NNT: variants seen among roughly 807,000 people sequenced by gnomAD.
NNT encodes the protein NAD(P) transhydrogenase, mitochondrial.
A neutral mutation model predicts 104.8 loss-of-function variants in NNT; 50 were observed. The observed-to-expected ratio is 0.48, with a 90% CI of 0.38 to 0.60. The LOEUF is 0.60. NNT is among the 20% of genes least tolerant of loss of function. NNT has a pLI of 0.00. For synonymous variants in NNT, 461 were observed against 490.4 expected (o/e 0.94, Z 0.79); for missense variants, 1,131 against 1,330.7 (o/e 0.85, Z 2.33).
chr5:43,641,631 T>G (rs1441050753), intron 7 of NNT, among the ~76,000 whole-genome samples: 1 of 152,148 alleles, frequency 6.6e-6, no homozygotes, highest in Non-Finnish European at 1.5e-5. Context: ...ATATCTAAAC[T>G]GACATACTAT....
rs1488514965 is a variant in NNT, at chr5:43,659,218, T to C, written c.2502T>C (p.Val834=). The C allele has an allele frequency of 1.9e-6, 3 of 1,613,530 alleles. No individual in the cohort carries two copies. In the African/African-American group the frequency reaches 4.0e-5, roughly 22 times the overall value. The part of the protein sequence containing the change: ...AAIGGADMPV[V]ITVLNSYSGW... ...TTGGGGGTGCTGACATGCCCGTCGT[T>C]ATCACTGTGCTGAACAGCTACTCAG... The change falls in exon 17 of 22, where the codon GTT becomes GTC. Residue 834 remains valine (V), a synonymous_variant. Coordinates refer to ENST00000344920, the MANE Select transcript of NNT (RefSeq NM_182977.3).
At chr5:43,684,508 C>A (rs535517528) in intron 19 of NNT, among the ~76,000 whole-genome samples, 2 of 152,168 alleles carry the variant, frequency 1.3e-5, no homozygotes, top group East Asian at 3.9e-4. Flanking sequence ...GACTCTACAA[C>A]CCATCTCATT....
At position 43,656,767 on chromosome 5, in the gene NNT, C is replaced by A; in HGVS notation, c.2408C>A (p.Thr803Asn). 2 of 1,614,170 alleles carry A rather than the reference C, an allele frequency of 1.2e-6. No homozygotes were observed. Among genetic ancestry groups the A allele is most frequent in the Non-Finnish European group, 1.7e-6 (2 of 1,180,010 alleles). Residue 803 changes from threonine (T) to asparagine (N), a missense_variant, in exon 16 of 22, where the codon ACT becomes AAT. By Grantham distance (65) the Thr-to-Asn change is moderately conservative. Coordinates refer to ENST00000344920, the MANE Select transcript of NNT (RefSeq NM_182977.3). ...IPFMVDPSFT[T>N]GITCLGSVSA... Reference sequence around the variant, plus strand: ...TTCATGGTGGACCCAAGCTTTACTACTGGCATCACCTGTCTGGGTTCAGTG... The same window carrying A: ...TTCATGGTGGACCCAAGCTTTACTAATGGCATCACCTGTCTGGGTTCAGTG...
At chr5:43,630,793 C>T (rs1395689068) in intron 7 of NNT, among the ~76,000 whole-genome samples, 1 of 152,160 alleles carries the variant, frequency 6.6e-6, no homozygotes, top group Non-Finnish European at 1.5e-5. Flanking sequence ...ACCATACTGA[C>T]TCTAATTTTT....
intron 16 of NNT, among the ~76,000 whole-genome samples, chr5:43,657,444 A>G (rs940393736): frequency 2.6e-5 from 4 of 152,150 alleles, no homozygotes; most frequent in South Asian, 2.1e-4. Context: ...ATGCAGCGCT[A>G]TTTACTGTTA....
chr5:43,619,161 TAAAGG>T (rs769294515), intron 5 of NNT, 42 bp downstream of exon 5: 476 of 1,194,584 alleles, frequency 4.0e-4, no homozygotes, highest in Non-Finnish European at 4.9e-4. Flanking sequence ...ATGCATTGAT[TAAAGG>T]AAAGGGTATG....
intron 19 of NNT, among the ~76,000 whole-genome samples, chr5:43,688,542 A>T (rs1226441272): frequency 6.6e-6 from 1 of 151,904 alleles, no homozygotes; most frequent in African/African-American, 2.4e-5. Context: ...CCCAATGTGT[A>T]CTCTTTTATC....
chr5:43,611,066 TC>T, intron 2 of NNT, among the ~76,000 whole-genome samples: 1 of 151,926 alleles, frequency 6.6e-6, no homozygotes, highest in South Asian at 2.1e-4. Context: ...TTTCCTTCCT[TC>T]TTTCCTTCCT....
Position 43,705,216 on chromosome 5 carries a change from G to A in NNT, c.*812G>A, listed in dbSNP as rs1743053820. Reference sequence around the variant, plus strand: ...GAATTCAACATTTGACTAATAAAATGAGTTCATCATGTTGGCAAGTGATGT... The same window carrying A: ...GAATTCAACATTTGACTAATAAAATAAGTTCATCATGTTGGCAAGTGATGT... On this transcript the variant is annotated 3_prime_UTR_variant, in exon 22 of 22. Transcript: ENST00000344920. 6.6e-6 allele frequency: 1 copy of A among 152,152 alleles called. No individual in the cohort carries two copies. 9.4% of individuals were successfully genotyped at this position (152,152 alleles called of 1,614,324 possible).
intron 19 of NNT, among the ~76,000 whole-genome samples, chr5:43,692,218 G>A (rs918181121): frequency 6.6e-6 from 1 of 152,096 alleles, no homozygotes; most frequent in Non-Finnish European, 1.5e-5. Flanking sequence ...CTCAGTTGAG[G>A]TTAGAGTAAG....
chr5:43,650,191 A>G lies in NNT; in HGVS notation c.1607-286A>G, dbSNP rs34714214. Reference sequence around the variant, plus strand: ...ATATCTGTATTAGAGGAACATCGCTAGAAAGTTAAAAGAAAGTCCAATTCC... The same window carrying G: ...ATATCTGTATTAGAGGAACATCGCTGGAAAGTTAAAAGAAAGTCCAATTCC... On this transcript the variant is annotated intron_variant, in intron 11 of 21. Transcript: ENST00000344920. Among the ~76,000 whole-genome samples the G allele has an allele frequency of 9.7e-3, 1,476 of 152,378 alleles. 11 individuals are homozygous for G. Among genetic ancestry groups the G allele is most frequent in the Non-Finnish European group, 0.016 (1,097 of 68,038 alleles).
chr5:43,645,675 CTCTCTCTCTATATATATATA>C (rs1288561417), intron 10 of NNT, 165 bp downstream of exon 10: 2 of 90,436 alleles, frequency 2.2e-5, no homozygotes, highest in South Asian at 4.6e-4. Context: ...CTCTCTCTCT[CTCTCTCTCTATATATATATA>C]TATATATATA....
At chr5:43,621,139 T>A (rs1750066597) in intron 5 of NNT, among the ~76,000 whole-genome samples, 1 of 152,240 alleles carries the variant, frequency 6.6e-6, no homozygotes, top group African/African-American at 2.4e-5. Flanking sequence ...TTCTTACCTG[T>A]CTAGAACAAG....
At chr5:43,618,465 T>C (rs765266058) in intron 4 of NNT, among the ~76,000 whole-genome samples, 6 of 152,212 alleles carry the variant, frequency 3.9e-5, no homozygotes, top group Non-Finnish European at 5.9e-5. Context: ...AATCTTATTT[T>C]GTACAAGCCT....
chr5:43,624,200 A>C (rs1750245534), intron 6 of NNT, 80 bp downstream of exon 6: 3 of 1,222,280 alleles, frequency 2.5e-6, no homozygotes, highest in Non-Finnish European at 3.6e-6. Context: ...TAAAACTTGT[A>C]AATTGAAGTA....
chr5:43,602,983 G>A (rs976880805), upstream of NNT: 1 of 152,512 alleles, frequency 6.6e-6, no homozygotes, highest in African/African-American at 2.4e-5. Flanking sequence ...GCCTGTCCCC[G>A]AGAGTGGAAG....
chr5:43,656,778 T>A lies in NNT; in HGVS notation c.2419T>A (p.Cys807Ser). 6.2e-7 allele frequency: 1 copy of A among 1,614,082 alleles called. No homozygotes were observed. Among genetic ancestry groups the A allele is most frequent in the Non-Finnish European group, 8.5e-7 (1 of 1,179,984 alleles). The part of the protein sequence containing the change: ...VDPSFTTGIT[C>S]LGSVSALSAV... Reference sequence around the variant, plus strand: ...CCCAAGCTTTACTACTGGCATCACCTGTCTGGGTTCAGTGTCTGCTCTCTC... The same window carrying A: ...CCCAAGCTTTACTACTGGCATCACCAGTCTGGGTTCAGTGTCTGCTCTCTC... Residue 807 changes from cysteine to serine, a missense_variant, in exon 16 of 22, where the codon TGT becomes AGT. Coordinates refer to ENST00000344920, the MANE Select transcript of NNT (RefSeq NM_182977.3).
chr5:43,624,375 A>T (rs1750254638), intron 6 of NNT, among the ~76,000 whole-genome samples: 1 of 152,192 alleles, frequency 6.6e-6, no homozygotes, highest in South Asian at 2.1e-4. Flanking sequence ...AGTTTCTAAC[A>T]TGTTGCTTTA....
chr5:43,686,492 A>G (rs1741998078), intron 19 of NNT, among the ~76,000 whole-genome samples: 1 of 151,954 alleles, frequency 6.6e-6, no homozygotes, highest in Non-Finnish European at 1.5e-5. Context: ...AGTATTTTTG[A>G]TGTAGCTGCA....
Sources: gnomAD v4.1 joint callset for allele counts (sites outside exome capture counted in the v4.1 genomes callset) on GRCh38, gnomAD v4.1.1 for gene constraint, MANE v1.5 for transcripts, NCBI Gene and HGNC (gene_info 2026-07-23, HGNC 2026-07-21) for gene names.